Variants in CCDC171 observed in about 807,000 individuals in gnomAD.
CCDC171 encodes coiled-coil domain containing 171.
Under a neutral mutation model 168.2 loss-of-function variants are expected in CCDC171, and 177 were observed. That is an observed-to-expected ratio of 1.05 (90% CI 0.93 to 1.19). CCDC171 has a LOEUF of 1.19. CCDC171 is among the 50% of genes most tolerant of loss of function. The probability of loss-of-function intolerance (pLI) is 0.00; values close to 1 mark genes in which losing one functional copy is unlikely to be tolerated. For missense variants in CCDC171, 1,991 were observed against 1,539.0 expected (o/e 1.29, Z -4.91); for synonymous variants, 687 against 540.8 (o/e 1.27, Z -3.75).
At chr9:15,562,465 C>G (rs764316094) in intron 1 of CCDC171, among the ~76,000 whole-genome samples, 1 of 152,246 alleles carries the variant, frequency 6.6e-6, no homozygotes, top group East Asian at 1.9e-4. Flanking sequence ...ATGGAAGATG[C>G]TATCTCTCTA....
intron 6 of CCDC171, among the ~76,000 whole-genome samples, chr9:16,029,085 G>A (rs1034246627): frequency 8.6e-5 from 13 of 152,008 alleles, no homozygotes; most frequent in Non-Finnish European, 1.2e-4. Flanking sequence ...GACGGCAGGC[G>A]CTGGGTCGAG....
chr9:15,654,642 A>G (rs1248856471), intron 7 of CCDC171, among the ~76,000 whole-genome samples: 1 of 152,170 alleles, frequency 6.6e-6, no homozygotes, highest in Non-Finnish European at 1.5e-5. Flanking sequence ...ATCAAGTTGA[A>G]CATTAATAAA....
intron 21 of CCDC171, among the ~76,000 whole-genome samples, chr9:15,815,686 C>T (rs1220517204): frequency 8.6e-6 from 1 of 116,686 alleles, no homozygotes; most frequent in African/African-American, 3.2e-5. Flanking sequence ...AACTCCAACA[C>T]TCATTTTCTT....
chr9:15,569,527 A>C (rs1435964696), intron 2 of CCDC171, among the ~76,000 whole-genome samples: 1 of 151,994 alleles, frequency 6.6e-6, no homozygotes, highest in African/African-American at 2.4e-5. Context: ...AAAATTTTCT[A>C]TTTTTCGGCC....
chr9:16,000,594 G>A (rs1832511230), intron 3 of CCDC171, among the ~76,000 whole-genome samples: 1 of 152,104 alleles, frequency 6.6e-6, no homozygotes, highest in African/African-American at 2.4e-5. Flanking sequence ...TCAGATAATG[G>A]GGAGACAGAA....
downstream of CCDC171, among the ~76,000 whole-genome samples, chr9:15,978,268 G>C (rs1272532156): frequency 6.6e-6 from 1 of 152,200 alleles, no homozygotes; most frequent in East Asian, 1.9e-4. Flanking sequence ...AGACGATTTA[G>C]AGAGATTCCT....
chr9:15,953,177 T>C (rs1242929779), intron 25 of CCDC171, among the ~76,000 whole-genome samples: 1 of 152,212 alleles, frequency 6.6e-6, no homozygotes, highest in Non-Finnish European at 1.5e-5. Flanking sequence ...TTTCTTTTTC[T>C]TGCCTAATTT....
chr9:15,698,172 C>A (rs2051365669), intron 11 of CCDC171, among the ~76,000 whole-genome samples: 1 of 152,152 alleles, frequency 6.6e-6, no homozygotes, highest in South Asian at 2.1e-4. Flanking sequence ...CCACTAGTAA[C>A]CACCATTCTA....
rs1833900166 is a variant in CCDC171 at position 16,059,588 on chromosome 9, C to T, written n.90-1058C>T. Reference sequence around the variant, plus strand: ...GGACTGCAGTGGCGCAATCTCGGCTCACTGCAAGCTCCGCTTCCCAGGTTC... The same window carrying T: ...GGACTGCAGTGGCGCAATCTCGGCTTACTGCAAGCTCCGCTTCCCAGGTTC... On this transcript the variant is annotated intron_variant and non_coding_transcript_variant, in intron 1 of 1. Transcript: ENST00000478913. Among the ~76,000 whole-genome samples the T allele has an allele frequency of 2.8e-5, 4 of 143,332 alleles. No homozygotes were observed. In the Admixed American group the frequency reaches 2.8e-4, roughly 10 times the overall value. 94.0% of individuals were successfully genotyped at this position (143,332 alleles called of 152,430 possible).
intron 6 of CCDC171, among the ~76,000 whole-genome samples, chr9:15,595,211 A>G (rs143935953): frequency 9.9e-5 from 15 of 152,002 alleles, no homozygotes; most frequent in African/African-American, 2.9e-4. Context: ...GGTTTGTTTC[A>G]TATGTATACA....
intron 3 of CCDC171, among the ~76,000 whole-genome samples, chr9:15,998,734 A>T (rs1832444275): frequency 6.6e-6 from 1 of 152,104 alleles, no homozygotes; most frequent in African/African-American, 2.4e-5. Flanking sequence ...TGCCCTTCTG[A>T]AAAAAATTAT....
chr9:15,616,473 A>G (rs928398935), intron 6 of CCDC171, among the ~76,000 whole-genome samples: 39 of 152,032 alleles, frequency 2.6e-4, no homozygotes, highest in Non-Finnish European at 2.5e-4. Context: ...AATACTATAT[A>G]AAATAGTTTC....
At chr9:15,869,140 A>G (rs1173593273) in intron 23 of CCDC171, among the ~76,000 whole-genome samples, 3 of 152,048 alleles carry the variant, frequency 2.0e-5, no homozygotes, top group Non-Finnish European at 4.4e-5. Flanking sequence ...GAATCCATGG[A>G]TATGGAACCC....
intron 25 of CCDC171, among the ~76,000 whole-genome samples, chr9:15,925,065 T>G (rs577953342): frequency 6.6e-6 from 1 of 151,622 alleles, no homozygotes; most frequent in Non-Finnish European, 1.5e-5. Flanking sequence ...CTTGGAGATA[T>G]CATACGAACC....
intron 14 of CCDC171, among the ~76,000 whole-genome samples, chr9:15,725,874 A>G (rs1194839614): frequency 6.6e-6 from 1 of 152,202 alleles, no homozygotes; most frequent in East Asian, 1.9e-4. Flanking sequence ...AAAACTTTTC[A>G]TTTAGAAACC....
At chr9:15,765,758 TG>T (rs1289929517) in intron 18 of CCDC171, among the ~76,000 whole-genome samples, 5 of 151,946 alleles carry the variant, frequency 3.3e-5, no homozygotes, top group Admixed American at 1.3e-4. Context: ...TTAATCAGGG[TG>T]GGGGTTTGCC....
At chr9:16,064,401 G>C (rs1833969887), downstream of CCDC171, among the ~76,000 whole-genome samples, 1 of 152,126 alleles carries the variant, frequency 6.6e-6, no homozygotes. Context: ...ATAGAGGTGT[G>C]GGGAGAGGGT....
At chr9:15,903,084 C>A (rs1022143909) in intron 24 of CCDC171, among the ~76,000 whole-genome samples, 1 of 152,208 alleles carries the variant, frequency 6.6e-6, no homozygotes, top group Non-Finnish European at 1.5e-5. Flanking sequence ...GTGCCTGCCT[C>A]TGTAGACTCC....
the CCDC171 span, among the ~76,000 whole-genome samples, chr9:16,097,364 C>T: frequency 1.3e-5 from 2 of 152,234 alleles, no homozygotes; most frequent in Non-Finnish European, 2.9e-5. Flanking sequence ...AGCTAAATTA[C>T]ATCCCATATA....
Sources: gnomAD v4.1 joint callset for allele counts (sites outside exome capture counted in the v4.1 genomes callset) on GRCh38, gnomAD v4.1.1 for gene constraint, MANE v1.5 for transcripts, NCBI Gene and HGNC (gene_info 2026-07-23, HGNC 2026-07-21) for gene names.